ARHGAP42: variants seen among roughly 807,000 people sequenced by gnomAD.
The protein encoded by ARHGAP42 is rho GTPase-activating protein 42.
A neutral mutation model predicts 125.0 loss-of-function variants in ARHGAP42; 63 were observed. That is an observed-to-expected ratio of 0.50 (90% CI 0.41 to 0.62). The LOEUF is 0.62. Among genes scored for constraint, ARHGAP42 ranks in the 20% least tolerant of loss-of-function variants. The probability of loss-of-function intolerance (pLI) is 0.00; values close to 1 mark genes in which losing one functional copy is unlikely to be tolerated. For synonymous variants in ARHGAP42, 339 were observed against 351.0 expected (o/e 0.97, Z 0.38); for missense variants, 766 against 1,024.2 (o/e 0.75, Z 3.44).
At chr11:100,870,503 G>A (rs1241103446) in intron 4 of ARHGAP42, among the ~76,000 whole-genome samples, 2 of 152,286 alleles carry the variant, frequency 1.3e-5, no homozygotes, top group Non-Finnish European at 2.9e-5. Flanking sequence ...CCCTGACATT[G>A]CTATACGCAT....
At chr11:100,819,380 A>T (rs1591207890) in intron 3 of ARHGAP42, among the ~76,000 whole-genome samples, 1 of 152,110 alleles carries the variant, frequency 6.6e-6, no homozygotes, top group Non-Finnish European at 1.5e-5. Flanking sequence ...AATGGCAGGG[A>T]TAATAACTTA....
intron 5 of ARHGAP42, among the ~76,000 whole-genome samples, chr11:100,917,764 G>T (rs75689033): frequency 0.046 from 6,988 of 152,090 alleles, 316 homozygotes; most frequent in East Asian, 0.25. Flanking sequence ...TGGAGACAGG[G>T]TTTCACTATG....
At chr11:100,837,114 T>C (rs1388385133) in intron 3 of ARHGAP42, among the ~76,000 whole-genome samples, 1 of 152,178 alleles carries the variant, frequency 6.6e-6, no homozygotes, top group Non-Finnish European at 1.5e-5. Context: ...AACTTTCCTA[T>C]ATTCTTCACC....
chr11:100,727,955 G>A (rs1014501277), intron 1 of ARHGAP42, among the ~76,000 whole-genome samples: 12 of 152,122 alleles, frequency 7.9e-5, no homozygotes, highest in African/African-American at 2.9e-4. Context: ...TCTTGTGGGA[G>A]TGAGCCCCTA....
intron 1 of ARHGAP42, among the ~76,000 whole-genome samples, chr11:100,690,758 G>T (rs904424981): frequency 2.6e-5 from 4 of 151,866 alleles, no homozygotes; most frequent in African/African-American, 9.7e-5. Flanking sequence ...CACCACACCT[G>T]GCTAATATTT....
At chr11:100,781,801 G>T (rs1319479202) in intron 2 of ARHGAP42, among the ~76,000 whole-genome samples, 1 of 152,202 alleles carries the variant, frequency 6.6e-6, no homozygotes, top group Admixed American at 6.5e-5. Context: ...TGCCTGTGAA[G>T]TGAAGCTTGG....
intron 1 of ARHGAP42, among the ~76,000 whole-genome samples, chr11:100,724,159 A>G (rs1025856084): frequency 2.0e-5 from 3 of 152,166 alleles, no homozygotes; most frequent in African/African-American, 7.2e-5. Flanking sequence ...AGCCTTGCAT[A>G]CCTATAATAA....
chr11:100,793,316 A>G (rs1312645153), intron 2 of ARHGAP42, among the ~76,000 whole-genome samples: 1 of 152,216 alleles, frequency 6.6e-6, no homozygotes, highest in Non-Finnish European at 1.5e-5. Flanking sequence ...TATTTATATA[A>G]TAATTTTTTG....
chr11:100,949,630 C>T (rs1477566580), intron 11 of ARHGAP42, among the ~76,000 whole-genome samples: 2 of 152,100 alleles, frequency 1.3e-5, no homozygotes, highest in Non-Finnish European at 2.9e-5. Context: ...GAGAAAGGCT[C>T]ATTATGCATC....
chr11:100,766,546 TTTAG>T (rs1249405556), intron 1 of ARHGAP42, among the ~76,000 whole-genome samples: 4 of 152,292 alleles, frequency 2.6e-5, no homozygotes, highest in Admixed American at 2.0e-4. Context: ...GTTTAGAAAC[TTTAG>T]TTAGACAATT....
chr11:100,883,611 G>A (rs1011585275), intron 4 of ARHGAP42, among the ~76,000 whole-genome samples: 26 of 152,102 alleles, frequency 1.7e-4, no homozygotes, highest in Admixed American at 1.7e-3. Flanking sequence ...CCAAATTGCT[G>A]GGATTACAGG....
At chr11:100,970,230 C>A (rs948057435) in intron 17 of ARHGAP42, among the ~76,000 whole-genome samples, 1 of 152,114 alleles carries the variant, frequency 6.6e-6, no homozygotes, top group Non-Finnish European at 1.5e-5. Flanking sequence ...CTCAGGTGAT[C>A]CACCCGCCTT....
intron 1 of ARHGAP42, among the ~76,000 whole-genome samples, chr11:100,705,168 A>C (rs1861464777): frequency 6.6e-6 from 1 of 152,248 alleles, no homozygotes; most frequent in Non-Finnish European, 1.5e-5. Flanking sequence ...CAATTTAACC[A>C]AATAATCTGA....
intron 1 of ARHGAP42, among the ~76,000 whole-genome samples, chr11:100,713,783 G>T (rs931049064): frequency 2.0e-5 from 3 of 151,928 alleles, no homozygotes; most frequent in African/African-American, 4.8e-5. Flanking sequence ...TGTTTTTTTG[G>T]AATTATTACT....
At chr11:100,928,881 G>A (rs1199798453) in intron 6 of ARHGAP42, among the ~76,000 whole-genome samples, 2 of 152,074 alleles carry the variant, frequency 1.3e-5, no homozygotes, top group African/African-American at 4.8e-5. Flanking sequence ...GGCCCCTTTG[G>A]TGATTGACTT....
At chr11:100,730,606 T>C (rs1203851304) in intron 1 of ARHGAP42, among the ~76,000 whole-genome samples, 1 of 152,232 alleles carries the variant, frequency 6.6e-6, no homozygotes, top group African/African-American at 2.4e-5. Context: ...CAAATGCTGA[T>C]ACAAGCCATG....
intron 3 of ARHGAP42, among the ~76,000 whole-genome samples, chr11:100,853,808 AC>A (rs963172273): frequency 6.6e-6 from 1 of 152,050 alleles, no homozygotes; most frequent in Non-Finnish European, 1.5e-5. Flanking sequence ...TTGCCATTTT[AC>A]CCCTATTAAC....
chr11:100,957,220 A>G (rs966140602), intron 12 of ARHGAP42, among the ~76,000 whole-genome samples: 1 of 152,070 alleles, frequency 6.6e-6, no homozygotes, highest in Admixed American at 6.6e-5. Context: ...TGCCCCTCTC[A>G]TCTAATTAGA....
At chr11:100,751,475 T>C (rs1862456683) in intron 1 of ARHGAP42, among the ~76,000 whole-genome samples, 1 of 151,724 alleles carries the variant, frequency 6.6e-6, no homozygotes, top group African/African-American at 2.4e-5. Flanking sequence ...TTTTTTTTTT[T>C]CTGCAGTATT....
Sources: allele counts gnomAD v4.1 joint callset (sites outside exome capture counted in the v4.1 genomes callset), GRCh38; gene constraint gnomAD v4.1.1; transcripts MANE v1.5; gene names NCBI Gene and HGNC (gene_info 2026-07-23, HGNC 2026-07-21).